Variants in MTOR observed in about 807,000 individuals in gnomAD.
MTOR encodes the protein serine/threonine-protein kinase mTOR.
In MTOR, 70 loss-of-function variants were observed where a neutral mutation model predicts 319.8. The ratio of observed to expected loss-of-function variants is 0.22; its 90% CI spans 0.18 to 0.27. MTOR has a LOEUF of 0.27. Among genes scored for constraint, MTOR ranks in the 10% least tolerant of loss-of-function variants. The pLI is 1.00. For missense variants in MTOR, 1,890 were observed against 3,274.4 expected, an observed-to-expected ratio of 0.58 and a Z score of 10.32; for synonymous variants, 1,183 against 1,211.4, an observed-to-expected ratio of 0.98 and a Z score of 0.49.
Position 11,228,662 on chromosome 1 carries a change from A to G in MTOR, c.3030+6T>C, listed in dbSNP as rs2100854098. On this transcript the variant is annotated splice_donor_region_variant and intron_variant, in intron 19 of 57. Transcript: ENST00000361445. ...AAAGAGAAGGATTGGGGTTTGAGGT[A>G]CTTACTTCCCGGATGGCCCCATCAC... 6.2e-7 allele frequency: 1 copy of G among 1,613,280 alleles called. No individual in the cohort carries two copies. The highest frequency in any genetic ancestry group is 1.1e-5 in the South Asian group (1 of 90,990).
rs910856315 is a variant in MTOR, at chr1:11,233,631, A to G, written c.2332-144T>C. On this transcript the variant is annotated intron_variant, in intron 14 of 57. Coordinates refer to ENST00000361445, the MANE Select transcript of MTOR (RefSeq NM_004958.4). ...TTTATGAATCCAAGATTTCTCTGGA[A>G]TGTAAATTCTCAAACTTTTCTCCAT... is the stretch of plus-strand genomic sequence containing the variant. 6.1e-6 allele frequency: 4 copies of G among 660,812 alleles called. No homozygotes were observed. The African/African-American group carries it at 7.3e-5, about 12-fold the overall frequency. The allele number at this position is 660,812 out of a possible 1,614,324, so 40.9% of individuals were successfully genotyped here. A position where few individuals can be genotyped will look rare whatever the true frequency, so the allele number is the denominator to read the frequency against.
At chr1:11,215,480 A>T (rs1009304190) in intron 20 of MTOR, among the ~76,000 whole-genome samples, 14 of 152,240 alleles carry the variant, frequency 9.2e-5, no homozygotes, top group African/African-American at 3.4e-4. Context: ...AACTAACTAC[A>T]AAGGTCTGGT....
intron 28 of MTOR, among the ~76,000 whole-genome samples, chr1:11,169,372 C>T (rs890380428): frequency 9.2e-5 from 14 of 152,182 alleles, no homozygotes; most frequent in Admixed American, 8.5e-4. Flanking sequence ...CCAGGAAAGG[C>T]AGGGATTTTC....
chr1:11,240,770 A>G (rs537475267), intron 10 of MTOR, among the ~76,000 whole-genome samples: 2 of 152,334 alleles, frequency 1.3e-5, no homozygotes, highest in African/African-American at 2.4e-5. Context: ...CTTGCTCACT[A>G]TAATTCAGCC....
chr1:11,240,634 G>C, intron 10 of MTOR, 87 bp from the exon 11 acceptor site: 1 of 1,502,902 alleles, frequency 6.7e-7, no homozygotes, highest in Non-Finnish European at 9.0e-7. Context: ...CTCCCAGCAA[G>C]GGGATCAGGC....
At position 11,109,410 on chromosome 1, in the gene MTOR, G is replaced by GC. The variant is rs370864563; in HGVS notation, c.7448-41dup. 5.7e-6 allele frequency: 9 copies of GC among 1,585,030 alleles called. No individual in the cohort carries two copies. The African/African-American group carries it at 1.1e-4, about 19-fold the overall frequency. ...AGTAGAAATAACTGTAAGAATGGGA[G>GC]CAATACAACAGGTTCAATGGGTGCC... On this transcript the variant is annotated intron_variant, in intron 55 of 57. Transcript: ENST00000361445. The surrounding 1 kb of genome is among the most constrained non-coding windows in gnomAD (Gnocchi z 4.0).
At chr1:11,201,462 A>C (rs1645965939) in intron 26 of MTOR, among the ~76,000 whole-genome samples, 2 of 152,240 alleles carry the variant, frequency 1.3e-5, no homozygotes, top group African/African-American at 4.8e-5. Flanking sequence ...AGGGGCCATC[A>C]CTACTGCTAA....
chr1:11,109,475 A>G lies in MTOR; in HGVS notation c.7448-105T>C. 1 of 1,246,996 alleles carries G rather than the reference A, an allele frequency of 8.0e-7. No individual in the cohort carries two copies. The highest frequency in any genetic ancestry group is 1.3e-5 in the South Asian group (1 of 77,870). The allele number at this position is 1,246,996 out of a possible 1,614,324, so 77.2% of individuals were successfully genotyped here. A position where few individuals can be genotyped will look rare whatever the true frequency, so the allele number is the denominator to read the frequency against. On this transcript the variant is annotated intron_variant, in intron 55 of 57. Transcript: ENST00000361445. The surrounding 1 kb of genome is among the most constrained non-coding windows in gnomAD (Gnocchi z 4.0). Reference sequence around the variant, plus strand: ...TATTCACTTTTGTAAGTGTTAAGCAATCCTTCCTCTATGTCCGTCTTTGTC... The same window carrying G: ...TATTCACTTTTGTAAGTGTTAAGCAGTCCTTCCTCTATGTCCGTCTTTGTC...
At chr1:11,256,232 G>A (rs1403211550) in intron 4 of MTOR, 40 bp from the exon 5 acceptor site, 1 of 1,588,222 alleles carries the variant, frequency 6.3e-7, no homozygotes, top group East Asian at 2.3e-5. Context: ...ATTGGTACCA[G>A]AGTTTTGTTC....
At position 11,258,552 on chromosome 1, in the gene MTOR, G is replaced by A. The variant is rs767996746; in HGVS notation, c.204C>T (p.Asn68=). The A allele has an allele frequency of 1.9e-6, 3 of 1,614,068 alleles. No homozygotes were observed. Among genetic ancestry groups the A allele is most frequent in the South Asian group, 2.2e-5 (2 of 91,080 alleles). Residue 68 remains asparagine, a synonymous_variant, in exon 3 of 58, where the codon AAC becomes AAT. Coordinates refer to ENST00000361445, the MANE Select transcript of MTOR (RefSeq NM_004958.4). ...EESTRFYDQL[N]HHIFELVSSS... Reference sequence around the variant, plus strand: ...TGGAAACCAATTCAAAAATGTGATGGTTCAGTTGGTCATAGAAGCGAGTAG... The same window carrying A: ...TGGAAACCAATTCAAAAATGTGATGATTCAGTTGGTCATAGAAGCGAGTAG...
chr1:11,185,698 C>CTCTGAG (rs1446584772), intron 28 of MTOR, among the ~76,000 whole-genome samples: 1 of 152,000 alleles, frequency 6.6e-6, no homozygotes, highest in Non-Finnish European at 1.5e-5. Flanking sequence ...ATAGAAGTGG[C>CTCTGAG]AAATTAGAAA....
At chr1:11,221,729 A>G (rs1569632911) in intron 19 of MTOR, among the ~76,000 whole-genome samples, 1 of 148,186 alleles carries the variant, frequency 6.7e-6, no homozygotes, top group Non-Finnish European at 1.5e-5. Flanking sequence ...GTATATATAC[A>G]TATATATATT....
In MTOR at chr1:11,185,428, A is replaced by AAAG. The variant is rs1275808786; in HGVS notation, c.4253+13829_4253+13830insCTT. Among the ~76,000 whole-genome samples the AAAG allele has an allele frequency of 9.6e-4, 144 of 150,572 alleles. 1 individual carries two copies. Among genetic ancestry groups the AAAG allele is most frequent in the African/African-American group, 3.3e-3 (135 of 40,902 alleles). ...CCCATCACTACAAAAAAAAAAAAAG[A>AAAG]AAAGAAAGAAAGAAAGAAAGAAAAA... On this transcript the variant is annotated intron_variant, in intron 28 of 57. Transcript: ENST00000361445.
At chr1:11,254,044 T>G in intron 5 of MTOR, 71 bp from the exon 6 acceptor site, 1 of 1,595,150 alleles carries the variant, frequency 6.3e-7, no homozygotes, top group Non-Finnish European at 8.6e-7. Flanking sequence ...GCCCATCCCA[T>G]CTACACTGGG....
At chr1:11,219,220 A>G (rs1385880475) in intron 19 of MTOR, among the ~76,000 whole-genome samples, 1 of 152,134 alleles carries the variant, frequency 6.6e-6, no homozygotes, top group Admixed American at 6.6e-5. Flanking sequence ...TTTCAAAAAA[A>G]AAAAAAGAAC....
chr1:11,121,005 A>G lies in MTOR; in HGVS notation c.6933+241T>C, dbSNP rs774315687. 6.6e-6 allele frequency among the ~76,000 whole-genome samples: 1 copy of G among 152,254 alleles called. No individual in the cohort carries two copies. Among genetic ancestry groups the G allele is most frequent in the Non-Finnish European group, 1.5e-5 (1 of 68,044 alleles). ...AGGAAATTTGTAACATATATAAAAAAGACAACTATCTTTAATTCTTTAATA... is the reference window on the plus strand; with the variant it reads ...AGGAAATTTGTAACATATATAAAAAGGACAACTATCTTTAATTCTTTAATA... On this transcript the variant is annotated intron_variant, in intron 49 of 57. Coordinates refer to ENST00000361445, the MANE Select transcript of MTOR (RefSeq NM_004958.4). The surrounding 1 kb of genome is among the most constrained non-coding windows in gnomAD (Gnocchi z 4.9).
rs1186870888 is a variant in MTOR, at chr1:11,199,199, G to GT, written c.4253+58dup. The GT allele has an allele frequency of 6.2e-7, 1 of 1,609,538 alleles. No homozygotes were observed. The highest frequency in any genetic ancestry group is 1.7e-5 in the Admixed American group (1 of 59,944). ...GACTCCAGTGAAGTGGCACCAGGCA[G>GT]TGGGAGAAGAGAGGTCATTTTGCAT... On this transcript the variant is annotated intron_variant, in intron 28 of 57. Transcript: ENST00000361445. The surrounding 1 kb of genome is among the most constrained non-coding windows in gnomAD (Gnocchi z 4.5).
At chr1:11,148,937 T>C (rs1284961077) in intron 31 of MTOR, among the ~76,000 whole-genome samples, 1 of 151,028 alleles carries the variant, frequency 6.6e-6, no homozygotes, top group African/African-American at 2.4e-5. Flanking sequence ...TGTATATATA[T>C]ATATAATTGG....
intron 1 of MTOR, among the ~76,000 whole-genome samples, chr1:11,261,193 A>G (rs1008081324): frequency 2.6e-5 from 4 of 151,864 alleles, no homozygotes; most frequent in Non-Finnish European, 5.9e-5. Flanking sequence ...AATGTAAGCT[A>G]AAAGAAAGTA....
Sources: gnomAD v4.1 joint callset for allele counts (sites outside exome capture counted in the v4.1 genomes callset) on GRCh38, gnomAD v4.1.1 for gene constraint, Gnocchi (gnomAD v3.1) non-coding constraint, MANE v1.5 for transcripts, NCBI Gene and HGNC (gene_info 2026-07-23, HGNC 2026-07-21) for gene names.